The following KCNC4 variants were observed in gnomAD, a reference collection of about 807,000 sequenced individuals.
KCNC4 encodes the protein potassium voltage-gated channel subfamily C member 4.
Under a neutral mutation model 42.8 loss-of-function variants are expected in KCNC4, and 23 were observed. That is an observed-to-expected ratio of 0.54 (90% CI 0.39 to 0.76). The LOEUF is 0.76. Among genes scored for constraint, KCNC4 ranks in the 30% least tolerant of loss-of-function variants. The pLI is 0.00. For synonymous variants in KCNC4, 422 were observed against 393.5 expected, an observed-to-expected ratio of 1.07 and a Z score of -0.86; for missense variants, 751 against 898.2, an observed-to-expected ratio of 0.84 and a Z score of 2.10.
At position 110,223,847 on chromosome 1, in the gene KCNC4, G is replaced by A. The variant is rs1658248163; in HGVS notation, c.1562G>A (p.Ser521Asn). Residue 521 changes from serine (S) to asparagine (N), a missense_variant, in exon 2 of 4, where the codon AGT becomes AAT. Transcript: ENST00000438661. This position sits in a 1 kb window ranked among gnomAD's most constrained non-coding sequence, Gnocchi z 7.5. ...EETSPRDSTC[S>N]DTSPPAREEG... ...ACTTCCCCCCGGGACAGCACCTGCAGTGATACCAGCCCCCCTGCCCGGGAA... is the reference window on the plus strand; with the variant it reads ...ACTTCCCCCCGGGACAGCACCTGCAATGATACCAGCCCCCCTGCCCGGGAA... The A allele has an allele frequency of 6.2e-7, 1 of 1,609,186 alleles. No individual in the cohort carries two copies. Among genetic ancestry groups the A allele is most frequent in the Admixed American group, 1.7e-5 (1 of 59,862 alleles).
At chr1:110,227,210 T>C (rs1264798131) in intron 3 of KCNC4, among the ~76,000 whole-genome samples, 2 of 152,128 alleles carry the variant, frequency 1.3e-5, no homozygotes, top group East Asian at 1.9e-4. Flanking sequence ...CTAGGTTGAG[T>C]GAGGAAGGGG....
intron 1 of KCNC4, chr1:110,221,424 C>T (rs1434655191): frequency 6.6e-6 from 1 of 152,182 alleles, no homozygotes; most frequent in African/African-American, 2.4e-5. Context: ...CTTAACAGTA[C>T]CAGGCACAGA....
intron 1 of KCNC4, among the ~76,000 whole-genome samples, chr1:110,264,283 C>T (rs923527640): frequency 2.2e-4 from 34 of 152,258 alleles, no homozygotes; most frequent in African/African-American, 7.7e-4. Context: ...AAAGGCAAGA[C>T]ATCTCAAAGT....
At chr1:110,279,542 A>G (rs952424259) in intron 1 of KCNC4, among the ~76,000 whole-genome samples, 6 of 152,202 alleles carry the variant, frequency 3.9e-5, no homozygotes, top group Non-Finnish European at 8.8e-5. Context: ...ACTCCAATTC[A>G]TAGCTTTCCA....
At chr1:110,277,302 A>G (rs1418808997) in intron 1 of KCNC4, among the ~76,000 whole-genome samples, 2 of 152,264 alleles carry the variant, frequency 1.3e-5, no homozygotes. Context: ...TAGAAATGTA[A>G]TGCTATTCCC....
intron 2 of KCNC4, 156 bp from the exon 3 acceptor site, chr1:110,225,819 C>G (rs1477215291): frequency 2.9e-6 from 2 of 678,680 alleles, no homozygotes; most frequent in African/African-American, 3.6e-5. Flanking sequence ...CTTTTGCCCT[C>G]TGCTCCCCGG....
In KCNC4 at chr1:110,225,974, G is replaced by A. The variant is rs759166182; in HGVS notation, c.1616-1G>A. ...GCCTCCTTTCTGTGTGCCCCCTTCA[G>A]ACTCTAAGCAGAATGGCGATGCCAA... is the stretch of plus-strand genomic sequence containing the variant. On this transcript the variant is annotated splice_acceptor_variant, in intron 2 of 3. Transcript: ENST00000438661. LOFTEE classifies it high-confidence loss of function. 1.3e-6 allele frequency: 2 copies of A among 1,582,992 alleles called. No homozygotes were observed. The highest frequency in any genetic ancestry group is 1.7e-6 in the Non-Finnish European group (2 of 1,160,596).
chr1:110,259,607 CT>C (rs1362139432), intron 1 of KCNC4, among the ~76,000 whole-genome samples: 7 of 152,154 alleles, frequency 4.6e-5, no homozygotes, highest in Admixed American at 1.3e-4. Context: ...TGGCCTCACC[CT>C]TCCCCTTCTT....
chr1:110,231,189 A>G (rs951159635), intron 3 of KCNC4, among the ~76,000 whole-genome samples: 1 of 152,076 alleles, frequency 6.6e-6, no homozygotes, highest in African/African-American at 2.4e-5. Flanking sequence ...GGGCACTGCA[A>G]CCTAGAAGCT....
intron 1 of KCNC4, among the ~76,000 whole-genome samples, chr1:110,217,473 C>A (rs1464035848): frequency 6.6e-6 from 1 of 152,140 alleles, no homozygotes; most frequent in Non-Finnish European, 1.5e-5. Flanking sequence ...ATTTTCTGGT[C>A]AGGTGACCAG....
Position 110,232,996 on chromosome 1 carries a change from A to C in KCNC4, c.*24A>C, listed in dbSNP as rs1304651536. 6.2e-7 allele frequency: 1 copy of C among 1,606,008 alleles called. No individual in the cohort carries two copies. Among genetic ancestry groups the C allele is most frequent in the Admixed American group, 1.7e-5 (1 of 59,164 alleles). ...AAAGCGGCACCAACGTGAGAGAGAC[A>C]GGCAGACAGACAGAAAGCCAGAGGC... On this transcript the variant is annotated 3_prime_UTR_variant, in exon 4 of 4. Transcript: ENST00000438661.
At chr1:110,265,387 TA>T (rs879297020) in intron 1 of KCNC4, among the ~76,000 whole-genome samples, 10,872 of 137,460 alleles carry the variant, frequency 0.079, 688 homozygotes, top group African/African-American at 0.15. Context: ...TAAAATAAAA[TA>T]AAATAAAATA....
At chr1:110,232,592 G>C (rs568631411) in intron 3 of KCNC4, 1 of 1,437,078 alleles carries the variant, frequency 7.0e-7, no homozygotes, top group Non-Finnish European at 9.1e-7. Flanking sequence ...GTGGTTACCT[G>C]AACAGGTATG....
At chr1:110,227,774 C>T (rs1357081983) in intron 3 of KCNC4, among the ~76,000 whole-genome samples, 2 of 152,084 alleles carry the variant, frequency 1.3e-5, no homozygotes, top group Non-Finnish European at 2.9e-5. Context: ...GTGAGGGGCT[C>T]AGTGGAAATA....
chr1:110,235,392 G>C (rs776672128), downstream of KCNC4: 1 of 152,268 alleles, frequency 6.6e-6, no homozygotes, highest in Non-Finnish European at 1.5e-5. Context: ...TTGGCCAGGC[G>C]ATAATGGGAC....
chr1:110,258,984 T>C (rs1382366203), intron 1 of KCNC4, among the ~76,000 whole-genome samples: 1 of 152,206 alleles, frequency 6.6e-6, no homozygotes, highest in African/African-American at 2.4e-5. Flanking sequence ...CCATCTGGAC[T>C]CAGAGCTGAA....
At chr1:110,263,263 GT>G in intron 1 of KCNC4, among the ~76,000 whole-genome samples, 2 of 152,280 alleles carry the variant, frequency 1.3e-5, no homozygotes, top group South Asian at 4.1e-4. Context: ...AATAACAGCT[GT>G]TCTGGGCCAA....
chr1:110,265,302 G>C (rs1178772662), intron 1 of KCNC4, among the ~76,000 whole-genome samples: 1 of 151,168 alleles, frequency 6.6e-6, no homozygotes, highest in East Asian at 1.9e-4. Context: ...GCTGATGAGT[G>C]AACAGTAGAA....
chr1:110,281,094 T>G (rs1481365453), intron 1 of KCNC4, among the ~76,000 whole-genome samples: 1 of 152,168 alleles, frequency 6.6e-6, no homozygotes, highest in East Asian at 1.9e-4. Context: ...GGCTTCTGGA[T>G]AGCAAGGTAA....
Sources: allele counts gnomAD v4.1 joint callset (sites outside exome capture counted in the v4.1 genomes callset), GRCh38; gene constraint gnomAD v4.1.1; non-coding constraint Gnocchi (gnomAD v3.1); transcripts MANE v1.5; gene names NCBI Gene and HGNC (gene_info 2026-07-23, HGNC 2026-07-21).